The following TRUB1 variants were observed in gnomAD, a reference collection of about 807,000 sequenced individuals.
TRUB1 encodes TruB pseudouridine synthase family member 1.
In TRUB1, 23 loss-of-function variants were observed where a neutral mutation model predicts 33.9. That is an observed-to-expected ratio of 0.68 (90% CI 0.49 to 0.96). The LOEUF (loss-of-function observed/expected upper bound fraction) is 0.96. Among genes scored for constraint, TRUB1 ranks in the 40% least tolerant of loss-of-function variants. The pLI is 0.00. For missense variants in TRUB1, 378 were observed against 422.2 expected (o/e 0.90, Z 0.92); for synonymous variants, 163 against 165.4 (o/e 0.99, Z 0.11).
chr10:114,958,856 G>A (rs1338838281), intron 3 of TRUB1, among the ~76,000 whole-genome samples: 1 of 152,214 alleles, frequency 6.6e-6, no homozygotes. Context: ...ATGGCCGGGC[G>A]TGGTGGCTCA....
Position 114,952,205 on chromosome 10 carries a change from G to A in TRUB1, c.441+1056G>A, listed in dbSNP as rs576724739. On this transcript the variant is annotated intron_variant, in intron 3 of 7. Coordinates refer to ENST00000298746, the MANE Select transcript of TRUB1 (RefSeq NM_139169.5). Reference sequence around the variant, plus strand: ...TGTAATCCTAATACTTTGGAAGGCCGAGGCGGGCAGATCACTTGAGGTCAG... The same window carrying A: ...TGTAATCCTAATACTTTGGAAGGCCAAGGCGGGCAGATCACTTGAGGTCAG... Among the ~76,000 whole-genome samples, 24 of 152,280 alleles carry A rather than the reference G, an allele frequency of 1.6e-4. 1 individual carries two copies. In the South Asian group the frequency reaches 4.6e-3, roughly 29 times the overall value.
At chr10:114,946,149 G>T (rs1021618988) in intron 2 of TRUB1, among the ~76,000 whole-genome samples, 1 of 152,074 alleles carries the variant, frequency 6.6e-6, no homozygotes, top group Admixed American at 6.5e-5. Flanking sequence ...CTGGCTACTG[G>T]CTGCTTTAGT....
intron 2 of TRUB1, among the ~76,000 whole-genome samples, 167 bp from the exon 3 acceptor site, chr10:114,950,927 A>C (rs1166369508): frequency 1.3e-5 from 2 of 152,240 alleles, no homozygotes; most frequent in Non-Finnish European, 2.9e-5. Flanking sequence ...TAGTTGCATG[A>C]CAAGTTCAAC....
intron 7 of TRUB1, among the ~76,000 whole-genome samples, chr10:114,974,612 C>G (rs74159822): frequency 0.06 from 8,998 of 150,858 alleles, 900 homozygotes; most frequent in African/African-American, 0.2. Context: ...GAACAGAAAA[C>G]GAAGACAGGA....
chr10:114,951,646 C>T (rs2084235692), intron 3 of TRUB1, among the ~76,000 whole-genome samples: 1 of 152,106 alleles, frequency 6.6e-6, no homozygotes, highest in African/African-American at 2.4e-5. Context: ...AGCACTTTTC[C>T]AGGCACTTGA....
chr10:114,970,590 G>A (rs2084331596), intron 5 of TRUB1, 150 bp downstream of exon 5: 5 of 651,414 alleles, frequency 7.7e-6, no homozygotes, highest in Non-Finnish European at 1.4e-5. Context: ...AGGTGAGACA[G>A]GATGTGGAGC....
At chr10:114,945,332 A>G (rs972569066) in intron 2 of TRUB1, among the ~76,000 whole-genome samples, 4 of 152,202 alleles carry the variant, frequency 2.6e-5, no homozygotes, top group Non-Finnish European at 5.9e-5. Flanking sequence ...GCACTTCAGT[A>G]GCCTATACCA....
intron 5 of TRUB1, among the ~76,000 whole-genome samples, chr10:114,971,406 T>G (rs564512860): frequency 8.5e-4 from 129 of 152,308 alleles, no homozygotes; most frequent in African/African-American, 3.0e-3. Context: ...CTGACTTTTT[T>G]TTTAGAATTT....
chr10:114,972,160 C>T lies in TRUB1; in HGVS notation c.622C>T (p.Gln208Ter). ...PLYSALKKDG[Q>*]RLSTLMKRGE... ...CTATTCTGCATTAAAGAAAGATGGA[C>T]AAAGACTTTCGACTTTGATGAAGAG... The change falls in exon 6 of 8, where the codon CAA becomes TAA. Residue 208 changes from glutamine (Q) to a stop codon, truncating the protein, a stop_gained. Transcript: ENST00000298746. LOFTEE classifies it high-confidence loss of function. 4.3e-6 allele frequency: 7 copies of T among 1,613,474 alleles called. No homozygotes were observed. Among genetic ancestry groups the T allele is most frequent in the Non-Finnish European group, 5.9e-6 (7 of 1,179,750 alleles).
chr10:114,948,233 C>T lies in TRUB1; in HGVS notation c.386-2861C>T, dbSNP rs186128076. ...TCTCCACACCTTTTCAAATGTGGTG[C>T]CTTTGCTCATGTTTTTCTTTTATAA... On this transcript the variant is annotated intron_variant, in intron 2 of 7. Transcript: ENST00000298746. Among the ~76,000 whole-genome samples, 83 of 152,212 alleles carry T rather than the reference C, an allele frequency of 5.5e-4. 1 individual carries two copies. The highest frequency in any genetic ancestry group is 1.9e-3 in the African/African-American group (80 of 41,524).
At chr10:114,970,129 G>C (rs1292020558) in intron 4 of TRUB1, among the ~76,000 whole-genome samples, 5 of 152,054 alleles carry the variant, frequency 3.3e-5, no homozygotes, top group Admixed American at 2.0e-4. Context: ...ATTTTTATTG[G>C]AGAAAAATTG....
chr10:114,958,751 G>A (rs2084272579), intron 3 of TRUB1, among the ~76,000 whole-genome samples: 1 of 152,194 alleles, frequency 6.6e-6, no homozygotes, highest in African/African-American at 2.4e-5. Context: ...AACTAAGAAT[G>A]ATCTAATTCT....
At chr10:114,948,613 C>G (rs962029879) in intron 2 of TRUB1, among the ~76,000 whole-genome samples, 1 of 152,202 alleles carries the variant, frequency 6.6e-6, no homozygotes. Flanking sequence ...CTATATGCCA[C>G]CACCATATTA....
intron 4 of TRUB1, among the ~76,000 whole-genome samples, chr10:114,962,073 C>A (rs1267853117): frequency 2.6e-5 from 4 of 152,154 alleles, no homozygotes. Flanking sequence ...TGTAAGCACA[C>A]AGATATTAGC....
chr10:114,974,224 A>T lies in TRUB1; in HGVS notation c.737-105A>T, dbSNP rs535846355. Reference sequence around the variant, plus strand: ...TAGTGCATAAATATTTTATCACTCAATTGTTTGCATAGTGCATTTTTACAT... The same window carrying T: ...TAGTGCATAAATATTTTATCACTCATTTGTTTGCATAGTGCATTTTTACAT... On this transcript the variant is annotated intron_variant, in intron 6 of 7. Transcript: ENST00000298746. 51 of 791,610 alleles carry T rather than the reference A, an allele frequency of 6.4e-5. No homozygotes were observed. In the South Asian group the frequency reaches 8.0e-4, roughly 12 times the overall value. 49.0% of individuals were successfully genotyped at this position (791,610 alleles called of 1,614,324 possible). A position where few individuals can be genotyped will look rare whatever the true frequency, so the allele number is the denominator to read the frequency against.
Position 114,975,574 on chromosome 10 carries a change from GTTGT to G in TRUB1, c.*201_*204del. The stretch of plus-strand genomic sequence containing the variant: ...TATAAATGGCCTTGCAGTTGGCTCA[GTTGT>G]TTGTTGTGTTGTGAAATGTTTTAGG... On this transcript the variant is annotated 3_prime_UTR_variant, in exon 8 of 8. Transcript: ENST00000298746. 2.2e-6 allele frequency: 1 copy of G among 459,888 alleles called. No homozygotes were observed. The highest frequency in any genetic ancestry group is 3.7e-6 in the Non-Finnish European group (1 of 268,288). The allele number at this position is 459,888 out of a possible 1,614,324, so 28.5% of individuals were successfully genotyped here. A position where few individuals can be genotyped will look rare whatever the true frequency, so the allele number is the denominator to read the frequency against.
At chr10:114,952,389 C>T (rs574564489) in intron 3 of TRUB1, among the ~76,000 whole-genome samples, 33 of 152,286 alleles carry the variant, frequency 2.2e-4, no homozygotes, top group African/African-American at 7.7e-4. Flanking sequence ...TGCAGTGAGC[C>T]AAGATCACGC....
chr10:114,942,965 T>C (rs2084195387), intron 2 of TRUB1, among the ~76,000 whole-genome samples: 1 of 152,194 alleles, frequency 6.6e-6, no homozygotes, highest in African/African-American at 2.4e-5. Flanking sequence ...GGATGGGACT[T>C]TGAAAAAAGG....
chr10:114,938,348 CTGCGACCCCGTCAGCA>C lies in TRUB1; in HGVS notation c.96_111del (p.Ala33GlyfsTer31). On this transcript the variant is annotated frameshift_variant, in exon 1 of 8. Coordinates refer to ENST00000298746, the MANE Select transcript of TRUB1 (RefSeq NM_139169.5). LOFTEE classifies it high-confidence loss of function. ...ACTGCAGGAACGGTCGCAGCAATGGCTGCGACCCCGTCAGCAAGGGCTGCAGCCGCGGTGGTTGCGG... is the reference window on the plus strand; with the variant it reads ...ACTGCAGGAACGGTCGCAGCAATGGCAGGGCTGCAGCCGCGGTGGTTGCGG... 1.2e-6 allele frequency: 2 copies of C among 1,604,048 alleles called. No homozygotes were observed. Among genetic ancestry groups the C allele is most frequent in the Non-Finnish European group, 1.7e-6 (2 of 1,176,364 alleles).
Sources: gnomAD v4.1 joint callset for allele counts (sites outside exome capture counted in the v4.1 genomes callset) on GRCh38, gnomAD v4.1.1 for gene constraint, MANE v1.5 for transcripts, NCBI Gene and HGNC (gene_info 2026-07-23, HGNC 2026-07-21) for gene names.